IQCH: variants seen among roughly 807,000 people sequenced by gnomAD.
The protein encoded by IQCH is IQ domain-containing protein H.
Under a neutral mutation model 117.0 loss-of-function variants are expected in IQCH, and 98 were observed. That is an observed-to-expected ratio of 0.84 (90% CI 0.71 to 0.99). The LOEUF is 0.99. IQCH is among the 50% of genes least tolerant of loss of function. IQCH has a pLI of 0.00. For missense variants in IQCH, 1,102 were observed against 1,243.8 expected (o/e 0.89, Z 1.72); for synonymous variants, 412 against 448.2 (o/e 0.92, Z 1.02).
chr15:67,408,579 T>C lies in IQCH; in HGVS notation c.2097+8274T>C, dbSNP rs1359346014. ...AACAAGGCACAGCTCTTCACTCTGA[T>C]TAACTAAAGTCACTGCTTGCCCATT... On this transcript the variant is annotated intron_variant, in intron 14 of 20. Coordinates refer to ENST00000335894, the MANE Select transcript of IQCH (RefSeq NM_001031715.3). This position sits in a 1 kb window ranked among gnomAD's most constrained non-coding sequence, Gnocchi z 4.2. 1.3e-5 allele frequency: 2 copies of C among 152,228 alleles called. No individual in the cohort carries two copies. The highest frequency in any genetic ancestry group is 4.8e-5 in the African/African-American group (2 of 41,464). The allele number at this position is 152,228 out of a possible 1,614,324, so 9.4% of individuals were successfully genotyped here.
chr15:67,304,222 T>C (rs757206630), intron 4 of IQCH: 22 of 548,912 alleles, frequency 4.0e-5, no homozygotes, highest in Non-Finnish European at 6.3e-5. Context: ...TTTTTTCCAG[T>C]GAGAATTTCA....
intron 7 of IQCH, among the ~76,000 whole-genome samples, chr15:67,358,543 A>G (rs1970009553): frequency 6.6e-6 from 1 of 152,030 alleles, no homozygotes; most frequent in Non-Finnish European, 1.5e-5. Context: ...AATGTAATTC[A>G]TTCTTATGGA....
chr15:67,494,347 A>C lies in IQCH; in HGVS notation c.2951A>C (p.Gln984Pro). The C allele has an allele frequency of 6.2e-7, 1 of 1,612,226 alleles. No individual in the cohort carries two copies. The highest frequency in any genetic ancestry group is 8.5e-7 in the Non-Finnish European group (1 of 1,179,288). The change falls in exon 20 of 21, where the codon CAA becomes CCA. Residue 984 changes from glutamine (Q) to proline (P), a missense_variant. Around this residue, in one of 2 missense-constraint regions of IQCH, gnomAD observed 650 missense variants for 794.3 expected, o/e 0.82. Transcript: ENST00000335894. The surrounding 1 kb of genome is among the most constrained non-coding windows in gnomAD (Gnocchi z 5.5). ...IHQEISAPNMQGETNFKTTIA... is the reference protein window; with the variant it reads ...IHQEISAPNMPGETNFKTTIA... ...CAAGAAATATCAGCACCTAATATGC[A>C]AGGCGAGACCAATTTTAAGGTGAGG...
intron 8 of IQCH, among the ~76,000 whole-genome samples, chr15:67,367,696 TG>T (rs930503278): frequency 4.6e-5 from 7 of 151,398 alleles, no homozygotes; most frequent in Non-Finnish European, 1.0e-4. Flanking sequence ...GTTTAGGCTG[TG>T]GGCACTGGTG....
At chr15:67,389,135 G>T (rs1971200826) in intron 12 of IQCH, 129 bp downstream of exon 12, 8 of 701,452 alleles carry the variant, frequency 1.1e-5, no homozygotes, top group Non-Finnish European at 1.9e-5. Flanking sequence ...TTACTGATTA[G>T]ACTACTAGTT....
At chr15:67,339,691 C>A (rs572747379) in intron 5 of IQCH, among the ~76,000 whole-genome samples, 8 of 152,284 alleles carry the variant, frequency 5.3e-5, no homozygotes, top group African/African-American at 1.9e-4. Flanking sequence ...AAAATTCTTA[C>A]AATCTTCTCC....
At chr15:67,464,395 C>T (rs2082880039) in intron 16 of IQCH, among the ~76,000 whole-genome samples, 1 of 152,240 alleles carries the variant, frequency 6.6e-6, no homozygotes. Context: ...GTGGACATTA[C>T]TCAGTTACCT....
At chr15:67,399,736 A>G (rs1971582016) in intron 13 of IQCH, among the ~76,000 whole-genome samples, 1 of 152,230 alleles carries the variant, frequency 6.6e-6, no homozygotes, top group African/African-American at 2.4e-5. Context: ...TCTTGAAACA[A>G]TTAAAACATC....
chr15:67,454,034 G>A lies in IQCH; in HGVS notation c.2506-11093G>A, dbSNP rs1007909271. 2.6e-5 allele frequency among the ~76,000 whole-genome samples: 4 copies of A among 152,252 alleles called. No individual in the cohort carries two copies. Among genetic ancestry groups the A allele is most frequent in the Non-Finnish European group, 5.9e-5 (4 of 68,052 alleles). On this transcript the variant is annotated intron_variant, in intron 16 of 20. Transcript: ENST00000335894. This position sits in a 1 kb window ranked among gnomAD's most constrained non-coding sequence, Gnocchi z 5.2. ...GGGTGTAGGACCCTCTGAGCCATGTGAGGGATATAATCTCCTGGTGTGCTG... is the reference window on the plus strand; with the variant it reads ...GGGTGTAGGACCCTCTGAGCCATGTAAGGGATATAATCTCCTGGTGTGCTG...
intron 13 of IQCH, 125 bp from the exon 14 acceptor site, chr15:67,399,989 A>G (rs1471289311): frequency 1.5e-6 from 1 of 678,236 alleles, no homozygotes; most frequent in Non-Finnish European, 2.5e-6. Flanking sequence ...TAACTAGAAG[A>G]TAACCAAATG....
intron 5 of IQCH, among the ~76,000 whole-genome samples, chr15:67,340,939 C>T (rs1969142204): frequency 6.6e-6 from 1 of 152,136 alleles, no homozygotes; most frequent in Non-Finnish European, 1.5e-5. Flanking sequence ...CCAGGCGCAG[C>T]GGCTCATGCC....
At chr15:67,367,294 G>A (rs1234826134) in intron 8 of IQCH, among the ~76,000 whole-genome samples, 1 of 152,192 alleles carries the variant, frequency 6.6e-6, no homozygotes, top group Non-Finnish European at 1.5e-5. Flanking sequence ...CCAACACTTT[G>A]GGAGGCTGGG....
chr15:67,468,501 T>C (rs1393864826), intron 17 of IQCH, among the ~76,000 whole-genome samples: 3 of 152,260 alleles, frequency 2.0e-5, no homozygotes, highest in Non-Finnish European at 4.4e-5. Context: ...ACTGTAATTA[T>C]GTACAAAACC....
chr15:67,465,468 G>A lies in IQCH; in HGVS notation c.2676+171G>A, dbSNP rs1171361219. ...GGAAATGCGAATGTGTTGGTCAGAG[G>A]AAAGGGAGAAGCCATTCCCGAATGA... On this transcript the variant is annotated intron_variant, in intron 17 of 20. Transcript: ENST00000335894. The surrounding 1 kb of genome is among the most constrained non-coding windows in gnomAD (Gnocchi z 5.9). Among the ~76,000 whole-genome samples, 1 of 152,078 alleles carries A rather than the reference G, an allele frequency of 6.6e-6. No homozygotes were observed. Among genetic ancestry groups the A allele is most frequent in the Non-Finnish European group, 1.5e-5 (1 of 68,020 alleles).
chr15:67,295,546 A>G (rs1307829681), intron 4 of IQCH, among the ~76,000 whole-genome samples: 3 of 152,172 alleles, frequency 2.0e-5, no homozygotes, highest in Non-Finnish European at 2.9e-5. Context: ...GTAGGTCCAC[A>G]TATTGGGATA....
chr15:67,279,544 G>C, intron 4 of IQCH, 32 bp downstream of exon 4: 1 of 1,283,160 alleles, frequency 7.8e-7, no homozygotes, highest in Non-Finnish European at 1.1e-6. Context: ...GAGACAGAAA[G>C]TAGTTTAGTG....
intron 3 of IQCH, among the ~76,000 whole-genome samples, chr15:67,267,034 C>T (rs1353680881): frequency 1.3e-5 from 2 of 152,184 alleles, no homozygotes; most frequent in Non-Finnish European, 1.5e-5. Flanking sequence ...CATTCTAATG[C>T]GCTGAGAGCA....
intron 1 of IQCH, among the ~76,000 whole-genome samples, chr15:67,259,160 G>A (rs1291941414): frequency 6.6e-6 from 1 of 152,148 alleles, no homozygotes; most frequent in East Asian, 1.9e-4. Context: ...ACTATACAAA[G>A]TACTTATATT....
intron 4 of IQCH, among the ~76,000 whole-genome samples, chr15:67,302,086 C>A (rs1377419901): frequency 1.3e-5 from 2 of 152,146 alleles, no homozygotes; most frequent in Non-Finnish European, 2.9e-5. Context: ...ACCACACAAA[C>A]TTGATGGAGC....
Sources: gnomAD v4.1 joint callset for allele counts (sites outside exome capture counted in the v4.1 genomes callset) on GRCh38, gnomAD v4.1.1 for gene constraint, gnomAD v4.1.1 regional missense constraint, Gnocchi (gnomAD v3.1) non-coding constraint, MANE v1.5 for transcripts, NCBI Gene and HGNC (gene_info 2026-07-23, HGNC 2026-07-21) for gene names.